Variants in TMEM272 observed in about 807,000 individuals in gnomAD.
The protein encoded by TMEM272 is transmembrane protein 272.
TMEM272 carries 8 observed loss-of-function variants against 3.7 expected under a neutral mutation model. The observed-to-expected ratio is 2.17, with a 90% CI of 1.27 to 3.91. TMEM272 has a LOEUF of 3.91. TMEM272 is among the 30% of genes most tolerant of loss of function. The pLI is 0.00. For synonymous variants in TMEM272, 63 were observed against 39.8 expected (o/e 1.58, Z -2.20); for missense variants, 166 against 91.5 (o/e 1.81, Z -3.32).
chr13:51,903,201 G>A, the TMEM272 span, among the ~76,000 whole-genome samples: 6 of 152,206 alleles, frequency 3.9e-5, no homozygotes, highest in South Asian at 2.1e-4. Flanking sequence ...CTGGATGCAC[G>A]AGGCAGCAGC....
chr13:51,878,985 C>A, the TMEM272 span, among the ~76,000 whole-genome samples: 1 of 152,178 alleles, frequency 6.6e-6, no homozygotes. Context: ...TAAGGCCCAG[C>A]AGAGCCTCCC....
At chr13:51,858,849 C>T in the TMEM272 span, among the ~76,000 whole-genome samples, 42 of 152,156 alleles carry the variant, frequency 2.8e-4, no homozygotes, top group Admixed American at 2.4e-3. Flanking sequence ...CTCCTTCCCC[C>T]CTGCAAACAG....
the TMEM272 span, among the ~76,000 whole-genome samples, chr13:51,922,149 C>A: frequency 6.6e-6 from 1 of 152,162 alleles, no homozygotes; most frequent in Non-Finnish European, 1.5e-5. Flanking sequence ...ACCATCCAAC[C>A]GCAGGAGTTA....
chr13:51,836,418 C>T (rs1028928411), intron 2 of TMEM272, among the ~76,000 whole-genome samples: 33 of 152,194 alleles, frequency 2.2e-4, no homozygotes, highest in African/African-American at 7.7e-4. Flanking sequence ...TTCTCATCAG[C>T]CCTTTTTGTT....
At chr13:51,897,231 A>T in the TMEM272 span, among the ~76,000 whole-genome samples, 1,069 of 151,988 alleles carry the variant, frequency 7.0e-3, 13 homozygotes, top group African/African-American at 0.025. Context: ...TCTTTTTTTT[A>T]TTTTTTGGAG....
At chr13:51,856,168 T>C in the TMEM272 span, among the ~76,000 whole-genome samples, 4 of 152,098 alleles carry the variant, frequency 2.6e-5, no homozygotes, top group Non-Finnish European at 4.4e-5. Context: ...CACATTTGGG[T>C]GGGGCCACAG....
chr13:51,816,577 TTA>T lies in TMEM272; in HGVS notation c.*172_*173del. ...AGGCAAGAGTTTCTTTAGTCTGCTA[TTA>T]TATTCAGTGCCTTTGGGTGGCTTTT... On this transcript the variant is annotated 3_prime_UTR_variant, in exon 5 of 5. Coordinates refer to ENST00000629372, the MANE Select transcript of TMEM272 (RefSeq NM_001351003.2). 1 of 571,012 alleles carries T rather than the reference TTA, an allele frequency of 1.8e-6. No homozygotes were observed. The highest frequency in any genetic ancestry group is 3.1e-6 in the Non-Finnish European group (1 of 319,788). The allele number at this position is 571,012 out of a possible 1,614,324, so 35.4% of individuals were successfully genotyped here.
chr13:51,918,547 T>C, the TMEM272 span, among the ~76,000 whole-genome samples: 2 of 152,196 alleles, frequency 1.3e-5, no homozygotes, highest in Non-Finnish European at 2.9e-5. Flanking sequence ...GGTGGGTATA[T>C]GGGGATTCAC....
upstream of TMEM272, among the ~76,000 whole-genome samples, chr13:51,849,690 C>T (rs1433344421): frequency 1.3e-5 from 2 of 152,174 alleles, no homozygotes; most frequent in Non-Finnish European, 2.9e-5. Context: ...TCAGGTTTCC[C>T]GCCTCAACCC....
At chr13:51,837,360 C>A (rs1249963641) in intron 2 of TMEM272, among the ~76,000 whole-genome samples, 1 of 152,172 alleles carries the variant, frequency 6.6e-6, no homozygotes, top group African/African-American at 2.4e-5. Flanking sequence ...CTTTCCCTGC[C>A]GGCAGTAAAC....
At chr13:51,913,171 T>G in the TMEM272 span, among the ~76,000 whole-genome samples, 1 of 152,180 alleles carries the variant, frequency 6.6e-6, no homozygotes, top group Non-Finnish European at 1.5e-5. Context: ...GGGTTGAAGG[T>G]GAAAGCTCCT....
the TMEM272 span, among the ~76,000 whole-genome samples, chr13:51,912,212 C>T: frequency 1.3e-4 from 20 of 152,146 alleles, no homozygotes; most frequent in Non-Finnish European, 2.4e-4. Context: ...CCCTGTTTTT[C>T]CAGTCCCGAG....
chr13:51,817,568 C>T (rs542118803), intron 4 of TMEM272, among the ~76,000 whole-genome samples: 1 of 152,306 alleles, frequency 6.6e-6, no homozygotes, highest in Non-Finnish European at 1.5e-5. Context: ...AGACTTTTCC[C>T]TGGTACTTCC....
At chr13:51,896,923 T>C in the TMEM272 span, among the ~76,000 whole-genome samples, 1 of 152,140 alleles carries the variant, frequency 6.6e-6, no homozygotes, top group Non-Finnish European at 1.5e-5. Flanking sequence ...ACCCCACAGG[T>C]GATTTAGATG....
the TMEM272 span, chr13:51,910,172 C>A: frequency 9.2e-7 from 1 of 1,083,706 alleles, no homozygotes; most frequent in Non-Finnish European, 1.4e-6. Flanking sequence ...CTTTTATCCC[C>A]TTTTCTAGAC....
At chr13:51,901,700 C>T in the TMEM272 span, among the ~76,000 whole-genome samples, 1 of 152,120 alleles carries the variant, frequency 6.6e-6, no homozygotes, top group Non-Finnish European at 1.5e-5. Flanking sequence ...AGTGGCTCTC[C>T]TAAGTATCTA....
chr13:51,887,813 C>G, the TMEM272 span, among the ~76,000 whole-genome samples: 1 of 152,222 alleles, frequency 6.6e-6, no homozygotes, highest in Non-Finnish European at 1.5e-5. Context: ...TTCAGGCCCA[C>G]TGGGGAACAA....
intron 2 of TMEM272, 87 bp downstream of exon 2, chr13:51,838,386 T>C (rs1956233605): frequency 1.4e-6 from 1 of 702,396 alleles, no homozygotes; most frequent in Non-Finnish European, 2.6e-6. Context: ...AGCCCACTCA[T>C]ATGATCCACT....
At chr13:51,848,374 C>G (rs1321995873), upstream of TMEM272, among the ~76,000 whole-genome samples, 1 of 152,094 alleles carries the variant, frequency 6.6e-6, no homozygotes, top group Non-Finnish European at 1.5e-5. Context: ...ACATATGGCA[C>G]CACTCCACTA....
Sources: gnomAD v4.1 joint callset for allele counts (sites outside exome capture counted in the v4.1 genomes callset) on GRCh38, gnomAD v4.1.1 for gene constraint, MANE v1.5 for transcripts, NCBI Gene and HGNC (gene_info 2026-07-23, HGNC 2026-07-21) for gene names.